DENND1B: variants seen among roughly 807,000 people sequenced by gnomAD.
The protein encoded by DENND1B is DENN domain-containing protein 1B.
Under a neutral mutation model 90.1 loss-of-function variants are expected in DENND1B, and 59 were observed. The observed-to-expected ratio is 0.65, with a 90% CI of 0.53 to 0.81. The LOEUF (loss-of-function observed/expected upper bound fraction) is 0.81. DENND1B is among the 40% of genes least tolerant of loss of function. The pLI, the probability that DENND1B is intolerant of heterozygous loss-of-function variation, is 0.00. For missense variants in DENND1B, 862 were observed against 912.6 expected (o/e 0.94, Z 0.71); for synonymous variants, 337 against 324.6 (o/e 1.04, Z -0.41).
At chr1:197,596,539 C>T (rs1675707748) in intron 13 of DENND1B, among the ~76,000 whole-genome samples, 1 of 151,884 alleles carries the variant, frequency 6.6e-6, no homozygotes, top group Admixed American at 6.6e-5. Context: ...CATATTCTTA[C>T]CCTTATGAAA....
chr1:197,586,051 G>T (rs192807825), intron 14 of DENND1B, among the ~76,000 whole-genome samples: 1 of 152,288 alleles, frequency 6.6e-6, no homozygotes, highest in African/African-American at 2.4e-5. Context: ...TTTTCAAAGT[G>T]TGATCCAAGG....
At chr1:197,651,927 T>G (rs1363707689) in intron 7 of DENND1B, among the ~76,000 whole-genome samples, 1 of 152,086 alleles carries the variant, frequency 6.6e-6, no homozygotes, top group Non-Finnish European at 1.5e-5. Flanking sequence ...AGTGCTGGGA[T>G]TACACTAGCA....
At chr1:197,570,936 T>C (rs1168505822) in intron 15 of DENND1B, among the ~76,000 whole-genome samples, 2 of 152,204 alleles carry the variant, frequency 1.3e-5, no homozygotes, top group African/African-American at 2.4e-5. Flanking sequence ...GTTCATAACC[T>C]ATTGAGAAAA....
At chr1:197,631,435 T>C (rs1225954591) in intron 10 of DENND1B, among the ~76,000 whole-genome samples, 3 of 151,912 alleles carry the variant, frequency 2.0e-5, no homozygotes, top group Non-Finnish European at 4.4e-5. Context: ...AAAACACAAA[T>C]CTCTAATTTT....
In DENND1B at chr1:197,560,643, C is replaced by T. The variant is rs11807717; in HGVS notation, c.1150-7531G>A. The stretch of plus-strand genomic sequence containing the variant: ...GGAGTAGGAACAGGCAGGTACTCAG[C>T]AGGCCTGTGGCAGGCTCCATGTATC... On this transcript the variant is annotated intron_variant, in intron 15 of 22. Coordinates refer to ENST00000620048, the MANE Select transcript of DENND1B (RefSeq NM_001195215.2). 5.9e-3 allele frequency among the ~76,000 whole-genome samples: 896 copies of T among 151,944 alleles called. 13 individuals carry two copies. Among genetic ancestry groups the T allele is most frequent in the African/African-American group, 0.02 (838 of 41,490 alleles).
At chr1:197,543,083 C>T (rs543415156) in intron 18 of DENND1B, among the ~76,000 whole-genome samples, 133 of 152,012 alleles carry the variant, frequency 8.7e-4, no homozygotes, top group Non-Finnish European at 1.3e-3. Flanking sequence ...CATAGGAGCA[C>T]GACACCACAC....
intron 14 of DENND1B, among the ~76,000 whole-genome samples, chr1:197,587,741 C>T (rs191384465): frequency 8.5e-5 from 13 of 152,144 alleles, no homozygotes; most frequent in South Asian, 4.1e-4. Context: ...AATTCAAGCG[C>T]GTTACGTTTA....
At chr1:197,751,293 A>G (rs1398320111) in intron 2 of DENND1B, among the ~76,000 whole-genome samples, 4 of 152,304 alleles carry the variant, frequency 2.6e-5, no homozygotes, top group African/African-American at 9.6e-5. Context: ...AGAATCTCAA[A>G]TATCTGGAAA....
intron 2 of DENND1B, chr1:197,735,637 T>C (rs769312338): frequency 1.2e-6 from 2 of 1,614,086 alleles, no homozygotes; most frequent in Admixed American, 1.7e-5. Flanking sequence ...GCTGCCGCCA[T>C]GAAGGTCGAG....
chr1:197,774,505 T>C (rs1270448549), intron 1 of DENND1B: 1 of 152,182 alleles, frequency 6.6e-6, no homozygotes, highest in Non-Finnish European at 1.5e-5. Flanking sequence ...CTGAGCAAAG[T>C]AGTCGTTGAT....
At chr1:197,598,852 T>C (rs953335708) in intron 13 of DENND1B, among the ~76,000 whole-genome samples, 2 of 151,830 alleles carry the variant, frequency 1.3e-5, no homozygotes, top group Non-Finnish European at 2.9e-5. Context: ...GTAAATACAT[T>C]TTTTAGTCTA....
At chr1:197,578,233 T>C (rs1558263912) in intron 15 of DENND1B, among the ~76,000 whole-genome samples, 1 of 149,196 alleles carries the variant, frequency 6.7e-6, no homozygotes, top group Admixed American at 6.7e-5. Flanking sequence ...GGGTTTTTGT[T>C]TTTGTTGTTG....
At chr1:197,622,546 A>T (rs145169935) in intron 10 of DENND1B, among the ~76,000 whole-genome samples, 3 of 151,562 alleles carry the variant, frequency 2.0e-5, no homozygotes, top group Admixed American at 2.0e-4. Flanking sequence ...GCATCTTTGG[A>T]CCGGACAATC....
intron 15 of DENND1B, among the ~76,000 whole-genome samples, chr1:197,579,506 ATTCT>A (rs952948909): frequency 5.3e-5 from 8 of 151,936 alleles, no homozygotes; most frequent in Non-Finnish European, 1.0e-4. Context: ...GTGGGCATAG[ATTCT>A]TTCTTCTTTA....
rs960900795 is a variant in DENND1B, at chr1:197,528,775, G to C, written c.1515+11189C>G. ...CTTGGGAGGCTGAGGCAGGAGAATG[G>C]CGTGAACCCGGGAGGCGGAGCTTGC... On this transcript the variant is annotated intron_variant, in intron 20 of 22. Transcript: ENST00000620048. Among the ~76,000 whole-genome samples the C allele has an allele frequency of 6.0e-3, 902 of 151,174 alleles. 12 individuals are homozygous for C. The highest frequency in any genetic ancestry group is 0.021 in the African/African-American group (872 of 41,310).
At chr1:197,550,896 A>G (rs1476165690) in intron 16 of DENND1B, among the ~76,000 whole-genome samples, 1 of 152,032 alleles carries the variant, frequency 6.6e-6, no homozygotes, top group African/African-American at 2.4e-5. Flanking sequence ...TCTGCCACAT[A>G]TTAGTGCTCA....
At chr1:197,775,962 T>C (rs186075796), upstream of DENND1B, among the ~76,000 whole-genome samples, 2 of 152,300 alleles carry the variant, frequency 1.3e-5, no homozygotes, top group East Asian at 3.9e-4. Flanking sequence ...GATTCAGGAA[T>C]GTTCAGACAT....
intron 13 of DENND1B, among the ~76,000 whole-genome samples, chr1:197,602,104 G>T (rs1676264082): frequency 2.0e-5 from 3 of 151,482 alleles, no homozygotes; most frequent in African/African-American, 4.8e-5. Context: ...TAGTCAAAAA[G>T]TATACTTTAT....
intron 2 of DENND1B, chr1:197,735,661 GCCGGTACAAGGTCTACC>G (rs756174578): frequency 2.8e-5 from 45 of 1,614,044 alleles, no homozygotes; most frequent in Admixed American, 8.3e-5. Context: ...TGCGGTTTCA[GCCGGTACAAGGTCTACC>G]CCGGACACGG....
Sources: gnomAD v4.1 joint callset for allele counts (sites outside exome capture counted in the v4.1 genomes callset) on GRCh38, gnomAD v4.1.1 for gene constraint, MANE v1.5 for transcripts, NCBI Gene and HGNC (gene_info 2026-07-23, HGNC 2026-07-21) for gene names.